Variants in DOCK4 observed in about 807,000 individuals in gnomAD.
DOCK4 encodes dedicator of cytokinesis 4, also known as dedicator of cytokinesis protein 4.
DOCK4 carries 97 observed loss-of-function variants against 268.1 expected under a neutral mutation model. The ratio of observed to expected loss-of-function variants is 0.36; its 90% CI spans 0.31 to 0.43. The LOEUF (loss-of-function observed/expected upper bound fraction) is 0.43. DOCK4 is among the 20% of genes least tolerant of loss of function. The probability of loss-of-function intolerance (pLI) is 1.00; values close to 1 mark genes in which losing one functional copy is unlikely to be tolerated. For synonymous variants in DOCK4, 954 were observed against 887.2 expected (o/e 1.08, Z -1.34); for missense variants, 2,145 against 2,455.7 (o/e 0.87, Z 2.67).
At chr7:112,178,629 A>G (rs1403254260) in intron 1 of DOCK4, among the ~76,000 whole-genome samples, 1 of 152,228 alleles carries the variant, frequency 6.6e-6, no homozygotes, top group African/African-American at 2.4e-5. Flanking sequence ...CCTGAGTTCC[A>G]ATCTGACAGA....
chr7:111,783,793 A>G, intron 34 of DOCK4, 64 bp downstream of exon 34: 1 of 1,377,454 alleles, frequency 7.3e-7, no homozygotes, highest in Non-Finnish European at 1.0e-6. Context: ...ATTGTATTCT[A>G]TTTGATTTTC....
At chr7:111,741,968 G>A (rs1163530892) in intron 45 of DOCK4, 45 bp downstream of exon 45, 9 of 1,516,376 alleles carry the variant, frequency 5.9e-6, no homozygotes, top group African/African-American at 4.2e-5. Flanking sequence ...ACAAGCAAAC[G>A]GCAGTGATCA....
At chr7:112,035,880 T>TA (rs1803708565) in intron 1 of DOCK4, among the ~76,000 whole-genome samples, 1 of 152,050 alleles carries the variant, frequency 6.6e-6, no homozygotes, top group South Asian at 2.1e-4. Flanking sequence ...ACATAATTTT[T>TA]AAAAAATCGA....
chr7:111,913,370 G>C, intron 13 of DOCK4, among the ~76,000 whole-genome samples: 1 of 151,488 alleles, frequency 6.6e-6, no homozygotes, highest in Non-Finnish European at 1.5e-5. Context: ...AGGGATTAGA[G>C]ACCAGCCTGG....
intron 1 of DOCK4, among the ~76,000 whole-genome samples, chr7:112,146,221 T>C (rs370901324): frequency 6.6e-6 from 1 of 152,148 alleles, no homozygotes; most frequent in East Asian, 1.9e-4. Flanking sequence ...CGAATCAGCC[T>C]TTTTCTAAGG....
At chr7:112,006,572 G>T (rs1453083854) in intron 1 of DOCK4, among the ~76,000 whole-genome samples, 2 of 152,194 alleles carry the variant, frequency 1.3e-5, no homozygotes, top group Admixed American at 6.5e-5. Flanking sequence ...AACATTAAAG[G>T]TAAGCAAAGA....
At chr7:111,917,484 C>T (rs1376968354) in intron 12 of DOCK4, among the ~76,000 whole-genome samples, 1 of 151,794 alleles carries the variant, frequency 6.6e-6, no homozygotes, top group East Asian at 2.0e-4. Context: ...GAGGTCGAGG[C>T]AGGCGGATCA....
At position 111,908,317 on chromosome 7, in the gene DOCK4, G is replaced by A. The variant is rs1037111448; in HGVS notation, c.1193-6516C>T. On this transcript the variant is annotated intron_variant, in intron 13 of 52. Transcript: ENST00000428084. ...CAAAAAATTAGCTGGGCATGGTGGC[G>A]GGCGCCTGTAGTCCCAGCTACTCGG... is the stretch of plus-strand genomic sequence containing the variant. 3.6e-4 allele frequency among the ~76,000 whole-genome samples: 54 copies of A among 151,754 alleles called. 1 individual carries two copies. In the East Asian group the frequency reaches 5.5e-3, roughly 15 times the overall value.
chr7:111,800,540 G>A (rs1260571167), intron 30 of DOCK4, among the ~76,000 whole-genome samples: 5 of 151,998 alleles, frequency 3.3e-5, no homozygotes, highest in Admixed American at 1.3e-4. Context: ...AAAACAAAAC[G>A]GTATTGCAAT....
chr7:111,971,507 G>A, intron 8 of DOCK4: 1 of 195,144 alleles, frequency 5.1e-6, no homozygotes. Flanking sequence ...CGCAGGGCAG[G>A]CAGGAAGACG....
chr7:111,736,565 C>G (rs937493606), intron 50 of DOCK4, among the ~76,000 whole-genome samples: 1 of 152,026 alleles, frequency 6.6e-6, no homozygotes, highest in African/African-American at 2.4e-5. Flanking sequence ...ATGGGACCAC[C>G]GAATCGATCC....
chr7:111,849,311 G>A (rs973336170), intron 23 of DOCK4, among the ~76,000 whole-genome samples: 2 of 144,998 alleles, frequency 1.4e-5, no homozygotes, highest in Admixed American at 7.0e-5. Context: ...TGCCCAGGCT[G>A]GAGTGCAGTG....
chr7:112,050,750 G>A (rs1374257557), intron 1 of DOCK4, among the ~76,000 whole-genome samples: 1 of 152,090 alleles, frequency 6.6e-6, no homozygotes, highest in Non-Finnish European at 1.5e-5. Context: ...TTTATATTAG[G>A]AGAATTGCTC....
At chr7:111,901,393 GAC>G (rs968638816) in intron 14 of DOCK4, among the ~76,000 whole-genome samples, 37 of 143,906 alleles carry the variant, frequency 2.6e-4, no homozygotes, top group African/African-American at 9.4e-4. Flanking sequence ...GAAAATTATT[GAC>G]ACAATGAATT....
chr7:112,132,094 T>C (rs142729498), intron 1 of DOCK4, among the ~76,000 whole-genome samples: 2 of 152,258 alleles, frequency 1.3e-5, no homozygotes, highest in East Asian at 1.9e-4. Context: ...GGGTGGGAGT[T>C]TGGCAGCCCT....
At chr7:111,944,369 T>C (rs544117869) in intron 10 of DOCK4, among the ~76,000 whole-genome samples, 1 of 152,216 alleles carries the variant, frequency 6.6e-6, no homozygotes, top group Non-Finnish European at 1.5e-5. Context: ...ACAGGCTTTT[T>C]TTTTGTAGCA....
At chr7:111,869,383 A>G in intron 21 of DOCK4, 191 bp downstream of exon 21, 1 of 556,022 alleles carries the variant, frequency 1.8e-6, no homozygotes, top group Non-Finnish European at 3.3e-6. Context: ...AGTTTCCAGT[A>G]GACTACCCTG....
At chr7:111,746,166 G>C (rs746588463) in intron 44 of DOCK4, among the ~76,000 whole-genome samples, 168 bp downstream of exon 44, 2 of 152,116 alleles carry the variant, frequency 1.3e-5, no homozygotes, top group Non-Finnish European at 2.9e-5. Flanking sequence ...CATCGGAGTG[G>C]GAAGAAGAAG....
At position 111,767,227 on chromosome 7, in the gene DOCK4, C is replaced by CTTTTTTT. The variant is rs372483378; in HGVS notation, c.3829-116_3829-110dup. 5.8e-3 allele frequency: 2,681 copies of CTTTTTTT among 465,416 alleles called. 137 individuals are homozygous for CTTTTTTT. In the African/African-American group the frequency reaches 0.059, roughly 10 times the overall value. The allele number at this position is 465,416 out of a possible 1,614,324, so 28.8% of individuals were successfully genotyped here. On this transcript the variant is annotated intron_variant, in intron 37 of 52. Coordinates refer to ENST00000428084, the MANE Select transcript of DOCK4 (RefSeq NM_001363540.2). ...AGAGCACCAAGCCTTACTCCTTAATCTTTTTTTTTTTTTTTTTTGAGATGG... is the reference window on the plus strand; with the variant it reads ...AGAGCACCAAGCCTTACTCCTTAATCTTTTTTTTTTTTTTTTTTTTTTTTTGAGATGG...
Sources: allele counts gnomAD v4.1 joint callset (sites outside exome capture counted in the v4.1 genomes callset), GRCh38; gene constraint gnomAD v4.1.1; transcripts MANE v1.5; gene names NCBI Gene and HGNC (gene_info 2026-07-23, HGNC 2026-07-21).